Variants in DNAH8 observed in about 807,000 individuals in gnomAD.
DNAH8 encodes dynein axonemal heavy chain 8, also known as axonemal beta dynein heavy chain 8.
A neutral mutation model predicts 562.1 loss-of-function variants in DNAH8; 382 were observed. The ratio of observed to expected loss-of-function variants is 0.68; its 90% CI spans 0.63 to 0.74. The LOEUF is 0.74. Ranked by LOEUF, DNAH8 falls within the 30% of genes least tolerant of loss-of-function variation. The pLI is 0.00. For synonymous variants in DNAH8, 1,881 were observed against 1,919.4 expected (o/e 0.98, Z 0.52); for missense variants, 5,203 against 5,620.4 (o/e 0.93, Z 2.37).
intron 88 of DNAH8, among the ~76,000 whole-genome samples, chr6:38,996,058 G>A (rs1026598825): frequency 6.6e-6 from 1 of 152,194 alleles, no homozygotes. Flanking sequence ...TTCTCCTGCT[G>A]TCCGGCTTAG....
intron 9 of DNAH8, among the ~76,000 whole-genome samples, chr6:38,753,359 C>T (rs1765631932): frequency 6.6e-6 from 1 of 151,964 alleles, no homozygotes; most frequent in Non-Finnish European, 1.5e-5. Flanking sequence ...AATTTCTGTC[C>T]AAGAAAAATT....
At chr6:38,728,752 C>T (rs1437160369) in intron 3 of DNAH8, among the ~76,000 whole-genome samples, 1 of 152,136 alleles carries the variant, frequency 6.6e-6, no homozygotes, top group Admixed American at 6.6e-5. Flanking sequence ...GGACCAGTTG[C>T]ATCAGCATCA....
chr6:39,014,020 T>C (rs1233336070), intron 91 of DNAH8, among the ~76,000 whole-genome samples: 1 of 152,232 alleles, frequency 6.6e-6, no homozygotes, highest in Non-Finnish European at 1.5e-5. Flanking sequence ...AGGGTTTTTT[T>C]TGTGTAAAGC....
chr6:38,871,590 ACT>A (rs1343166966), intron 49 of DNAH8, among the ~76,000 whole-genome samples: 12 of 151,892 alleles, frequency 7.9e-5, no homozygotes, highest in African/African-American at 2.9e-4. Context: ...AGAATAACTC[ACT>A]CTCCCTCTGA....
intron 13 of DNAH8, among the ~76,000 whole-genome samples, chr6:38,776,167 A>AAGAC (rs997780354): frequency 6.6e-6 from 1 of 152,146 alleles, no homozygotes; most frequent in African/African-American, 2.4e-5. Flanking sequence ...TATCCAATAA[A>AAGAC]AGACATCAGA....
chr6:38,809,806 A>G (rs1428969553), intron 24 of DNAH8, among the ~76,000 whole-genome samples: 1 of 152,112 alleles, frequency 6.6e-6, no homozygotes, highest in Non-Finnish European at 1.5e-5. Context: ...TTCTTGTTTT[A>G]TGTATTCTAT....
intron 15 of DNAH8, 104 bp downstream of exon 15, chr6:38,780,169 C>CT: frequency 2.7e-6 from 3 of 1,101,014 alleles, no homozygotes; most frequent in Non-Finnish European, 3.9e-6. Context: ...CAGAGTGATT[C>CT]TTTCTCTGCT....
At chr6:38,734,952 A>G (rs1763970325) in intron 5 of DNAH8, among the ~76,000 whole-genome samples, 1 of 152,156 alleles carries the variant, frequency 6.6e-6, no homozygotes, top group South Asian at 2.1e-4. Context: ...ATAGTTTTAA[A>G]AGAAGAAGGG....
At chr6:39,000,635 C>T (rs531823864) in intron 88 of DNAH8, among the ~76,000 whole-genome samples, 8 of 152,120 alleles carry the variant, frequency 5.3e-5, no homozygotes, top group Admixed American at 2.0e-4. Context: ...CAGATGGGAC[C>T]GTCTAGTTTC....
chr6:38,768,638 T>C (rs78992042), intron 11 of DNAH8, among the ~76,000 whole-genome samples: 153 of 152,356 alleles, frequency 1.0e-3, no homozygotes, highest in African/African-American at 3.1e-3. Flanking sequence ...GTTGATATTC[T>C]TGGGGAATTT....
Position 38,921,458 on chromosome 6 carries a change from G to A in DNAH8, c.10614G>A (p.Glu3538=). 1 of 1,613,716 alleles carries A rather than the reference G, an allele frequency of 6.2e-7. No homozygotes were observed. The highest frequency in any genetic ancestry group is 1.1e-5 in the South Asian group (1 of 91,040). The part of the protein sequence containing the change: ...AQALLDEKQA[E]LDKVQAKFDA... ...CCCTGCTGGATGAGAAGCAAGCTGAGCTGGATAAAGTACAGGCAAAATTTG... is the reference window on the plus strand; with the variant it reads ...CCCTGCTGGATGAGAAGCAAGCTGAACTGGATAAAGTACAGGCAAAATTTG... The change falls in exon 71 of 93, where the codon GAG becomes GAA. Residue 3538 remains glutamate, a synonymous_variant. Transcript: ENST00000327475.
Position 38,906,249 on chromosome 6 carries a change from C to T in DNAH8, c.9195-5C>T, listed in dbSNP as rs373937926. On this transcript the variant is annotated splice_polypyrimidine_tract_variant and splice_region_variant and intron_variant, in intron 62 of 92. Transcript: ENST00000327475. ...TCTAAAACTTTCTATCATTTTTCTT[C>T]TTAGGTCTTACAATGTGACTAATCT... 6.4e-7 allele frequency: 1 copy of T among 1,561,100 alleles called. No homozygotes were observed. Among genetic ancestry groups the T allele is most frequent in the African/African-American group, 1.4e-5 (1 of 72,940 alleles).
At chr6:38,932,038 C>T in intron 76 of DNAH8, 45 bp downstream of exon 76, 2 of 1,318,300 alleles carry the variant, frequency 1.5e-6, no homozygotes, top group Non-Finnish European at 2.0e-6. Context: ...ATAATACATG[C>T]TTAAAATGTA....
At chr6:38,873,509 T>A (rs1489763077) in intron 52 of DNAH8, 133 bp downstream of exon 52, 8 of 740,972 alleles carry the variant, frequency 1.1e-5, no homozygotes, top group Non-Finnish European at 1.7e-5. Context: ...GTAAAAGCTC[T>A]GATAATTTTG....
chr6:39,003,188 G>C (rs1243123452), intron 88 of DNAH8, among the ~76,000 whole-genome samples: 1 of 152,132 alleles, frequency 6.6e-6, no homozygotes, highest in African/African-American at 2.4e-5. Flanking sequence ...AAAAGGCTGT[G>C]GAACTGACAC....
chr6:38,987,672 C>A (rs1764491254), intron 87 of DNAH8, among the ~76,000 whole-genome samples: 1 of 152,186 alleles, frequency 6.6e-6, no homozygotes, highest in Admixed American at 6.5e-5. Context: ...CTCAGGACTT[C>A]CCTAAGAGTG....
chr6:38,825,815 G>T (rs986058713), intron 28 of DNAH8, among the ~76,000 whole-genome samples: 7 of 152,062 alleles, frequency 4.6e-5, no homozygotes, highest in Non-Finnish European at 7.3e-5. Flanking sequence ...GGGATCTCTC[G>T]AGAAAAATGC....
At chr6:38,953,248 G>A (rs1010521505) in intron 82 of DNAH8, 4 of 152,222 alleles carry the variant, frequency 2.6e-5, no homozygotes, top group African/African-American at 4.8e-5. Context: ...TCGCTCTGGA[G>A]ATAGGTTCCT....
At chr6:38,895,752 C>T (rs193108900) in intron 59 of DNAH8, among the ~76,000 whole-genome samples, 208 of 152,314 alleles carry the variant, frequency 1.4e-3, no homozygotes, top group Admixed American at 2.2e-3. Flanking sequence ...AGAAAGAGGA[C>T]GCTCGTCCAC....
Sources: gnomAD v4.1 joint callset for allele counts (sites outside exome capture counted in the v4.1 genomes callset) on GRCh38, gnomAD v4.1.1 for gene constraint, MANE v1.5 for transcripts, NCBI Gene and HGNC (gene_info 2026-07-23, HGNC 2026-07-21) for gene names.